The following MTR variants were observed in gnomAD, a reference collection of about 807,000 sequenced individuals.
The protein encoded by MTR is 5-methyltetrahydrofolate-homocysteine methyltransferase, also known as methionine synthase.
MTR carries 84 observed loss-of-function variants against 154.8 expected under a neutral mutation model. The ratio of observed to expected loss-of-function variants is 0.54; its 90% confidence interval spans 0.45 to 0.65. MTR has a LOEUF of 0.65. MTR is among the 30% of genes least tolerant of loss of function. The pLI is 0.00. For missense variants in MTR, 1,275 were observed against 1,570.2 expected (o/e 0.81, Z 3.18); for synonymous variants, 554 against 553.9 (o/e 1.00, Z 0.00).
At chr1:236,815,126 C>T (rs942820276) in intron 6 of MTR, among the ~76,000 whole-genome samples, 3 of 152,110 alleles carry the variant, frequency 2.0e-5, no homozygotes, top group Non-Finnish European at 2.9e-5. Context: ...GGTTCATATA[C>T]CTACCATGTG....
intron 8 of MTR, chr1:236,820,575 G>C: frequency 2.0e-6 from 1 of 500,458 alleles, no homozygotes; most frequent in Non-Finnish European, 3.5e-6. Context: ...TGGAAAATAA[G>C]CGTCAGTTTC....
Position 236,875,833 on chromosome 1 carries a change from A to C in MTR, c.2594+987A>C, listed in dbSNP as rs554777654. Among the ~76,000 whole-genome samples, 397 of 137,242 alleles carry C rather than the reference A, an allele frequency of 2.9e-3. 4 individuals carry two copies. Among genetic ancestry groups the C allele is most frequent in the African/African-American group, 8.7e-3 (355 of 40,976 alleles). 90.0% of individuals were successfully genotyped at this position (137,242 alleles called of 152,430 possible). The stretch of plus-strand genomic sequence containing the variant: ...AACAGAATCAATAGGATATGTTTAT[A>C]TATAGAGAGAAAGAGATTTATTTTA... On this transcript the variant is annotated intron_variant, in intron 24 of 32. Transcript: ENST00000366577.
At chr1:236,834,070 GA>G (rs1455370872) in intron 13 of MTR, among the ~76,000 whole-genome samples, 2 of 152,260 alleles carry the variant, frequency 1.3e-5, no homozygotes, top group African/African-American at 4.8e-5. Context: ...CCTCCATCTA[GA>G]TATAAACCCT....
intron 18 of MTR, among the ~76,000 whole-genome samples, chr1:236,859,032 T>C (rs529833196): frequency 5.9e-5 from 9 of 152,386 alleles, no homozygotes; most frequent in South Asian, 2.1e-4. Flanking sequence ...ACATATTTTC[T>C]ACCTCTCTTA....
chr1:236,850,256 T>A (rs377035880), intron 15 of MTR, 88 bp from the exon 16 acceptor site: 1 of 803,446 alleles, frequency 1.2e-6, no homozygotes, highest in South Asian at 3.5e-5. Flanking sequence ...ATTAATATTT[T>A]ATTAAAATAA....
chr1:236,819,798 T>G, intron 8 of MTR: 1 of 760,674 alleles, frequency 1.3e-6, no homozygotes, highest in Non-Finnish European at 2.4e-6. Flanking sequence ...GAAGAGGACC[T>G]GGGAGAAGCT....
intron 3 of MTR, among the ~76,000 whole-genome samples, chr1:236,808,453 G>A (rs1267109662): frequency 6.6e-6 from 1 of 152,114 alleles, no homozygotes; most frequent in Non-Finnish European, 1.5e-5. Flanking sequence ...TCTAGGGATT[G>A]CCCTTTTTAC....
intron 18 of MTR, among the ~76,000 whole-genome samples, chr1:236,854,307 T>C (rs1664077866): frequency 1.3e-5 from 2 of 152,190 alleles, no homozygotes; most frequent in African/African-American, 4.8e-5. Context: ...TCCTCTCAGT[T>C]CCTTAAAAAC....
Position 236,812,837 on chromosome 1 carries a change from A to G in MTR, c.602A>G (p.Asn201Ser). 1 of 1,613,892 alleles carries G rather than the reference A, an allele frequency of 6.2e-7. No homozygotes were observed. Among genetic ancestry groups the G allele is most frequent in the Non-Finnish European group, 8.5e-7 (1 of 1,179,818 alleles). The part of the protein sequence containing the change: ...LLIETIFDTA[N>S]AKAALFALQN... The stretch of plus-strand genomic sequence containing the variant: ...ATTGAAACTATTTTTGATACTGCCA[A>G]TGCCAAGGTGAGTTAAGGGAGAAAA... The change falls in exon 6 of 33, where the codon AAT becomes AGT. Residue 201 changes from asparagine (N) to serine (S), a missense_variant. Physicochemically the swap from Asn to Ser is conservative, Grantham distance 46. Coordinates refer to ENST00000366577, the MANE Select transcript of MTR (RefSeq NM_000254.3).
intron 29 of MTR, among the ~76,000 whole-genome samples, chr1:236,893,886 C>G (rs140885208): frequency 2.6e-4 from 39 of 152,276 alleles, no homozygotes; most frequent in African/African-American, 9.1e-4. Context: ...GCATCGCTGA[C>G]CCCAACAGTT....
chr1:236,897,279 G>A (rs531828887), intron 32 of MTR, among the ~76,000 whole-genome samples, 161 bp downstream of exon 32: 1 of 90,824 alleles, frequency 1.1e-5, no homozygotes, highest in South Asian at 3.5e-4. Flanking sequence ...CTCTATTCTA[G>A]CCCTCACTTC....
intron 15 of MTR, among the ~76,000 whole-genome samples, chr1:236,848,228 A>G (rs923345384): frequency 1.3e-5 from 2 of 152,112 alleles, no homozygotes; most frequent in African/African-American, 4.8e-5. Context: ...TGTCTTTGGT[A>G]TACAGCTGGG....
intron 8 of MTR, among the ~76,000 whole-genome samples, chr1:236,822,391 C>T (rs1300587522): frequency 6.7e-6 from 1 of 149,882 alleles, no homozygotes; most frequent in African/African-American, 2.5e-5. Context: ...CTCACTGCAG[C>T]CTCAACCTCC....
chr1:236,814,986 A>G (rs1661504953), intron 6 of MTR, among the ~76,000 whole-genome samples: 1 of 152,258 alleles, frequency 6.6e-6, no homozygotes, highest in Admixed American at 6.5e-5. Flanking sequence ...ATCAAGAAAT[A>G]TAATGATAAA....
At chr1:236,835,090 T>C (rs1383119175) in intron 13 of MTR, among the ~76,000 whole-genome samples, 3 of 152,062 alleles carry the variant, frequency 2.0e-5, no homozygotes, top group Non-Finnish European at 2.9e-5. Flanking sequence ...CTAAGGACTT[T>C]TTTTGGAGGA....
At chr1:236,897,295 G>T (rs1025593339) in intron 32 of MTR, among the ~76,000 whole-genome samples, 177 bp downstream of exon 32, 1 of 41,338 alleles carries the variant, frequency 2.4e-5, no homozygotes, top group Non-Finnish European at 6.6e-5. Flanking sequence ...ACTTCTACAT[G>T]CAAGCCACAC....
chr1:236,872,480 G>C lies in MTR; in HGVS notation c.2406-1293G>C, dbSNP rs529328037. Among the ~76,000 whole-genome samples, 15 of 152,236 alleles carry C rather than the reference G, an allele frequency of 9.9e-5. 1 individual carries two copies. The highest frequency in any genetic ancestry group is 3.6e-4 in the African/African-American group (15 of 41,552). ...CATGATCTTCCCTGTTGGCTTCCAA[G>C]TTCAACAGGTGTTTATTGAGGAACT... On this transcript the variant is annotated intron_variant, in intron 22 of 32. Coordinates refer to ENST00000366577, the MANE Select transcript of MTR (RefSeq NM_000254.3).
chr1:236,822,462 A>T (rs1662023789), intron 8 of MTR, among the ~76,000 whole-genome samples: 1 of 151,852 alleles, frequency 6.6e-6, no homozygotes, highest in South Asian at 2.1e-4. Context: ...GGTGTGCGCC[A>T]CCATGCCTGG....
intron 24 of MTR, among the ~76,000 whole-genome samples, chr1:236,878,578 A>G (rs1665559245): frequency 6.6e-6 from 1 of 152,154 alleles, no homozygotes; most frequent in Non-Finnish European, 1.5e-5. Context: ...CAGGCCACAC[A>G]TAAAATACAC....
Sources: gnomAD v4.1 joint callset for allele counts (sites outside exome capture counted in the v4.1 genomes callset) on GRCh38, gnomAD v4.1.1 for gene constraint, MANE v1.5 for transcripts, NCBI Gene and HGNC (gene_info 2026-07-23, HGNC 2026-07-21) for gene names.